ANKRD60: variants seen among roughly 807,000 people sequenced by gnomAD.
The protein encoded by ANKRD60 is ankyrin repeat domain-containing protein 60.
A neutral mutation model predicts 21.3 loss-of-function variants in ANKRD60; 24 were observed. The ratio of observed to expected loss-of-function variants is 1.13; its 90% CI spans 0.82 to 1.59. ANKRD60 has a LOEUF of 1.59. Ranked by LOEUF, ANKRD60 falls within the 40% of genes most tolerant of loss-of-function variation. ANKRD60 has a pLI of 0.00. For synonymous variants in ANKRD60, 182 were observed against 199.4 expected, an observed-to-expected ratio of 0.91 and a Z score of 0.74; for missense variants, 490 against 466.7, an observed-to-expected ratio of 1.05 and a Z score of -0.46.
chr20:58,226,642 G>A (rs140871671), intron 1 of ANKRD60, among the ~76,000 whole-genome samples: 6 of 152,228 alleles, frequency 3.9e-5, no homozygotes, highest in African/African-American at 9.6e-5. Context: ...ACACGGTTTC[G>A]TATCTGGGGG....
At chr20:58,217,529 T>G (rs908580152), downstream of ANKRD60, among the ~76,000 whole-genome samples, 7 of 152,218 alleles carry the variant, frequency 4.6e-5, no homozygotes, top group East Asian at 1.9e-4. Flanking sequence ...CTTTCATTTC[T>G]GCAGGAGTCA....
At chr20:58,222,965 CA>C in intron 2 of ANKRD60, 86 bp downstream of exon 2, 1 of 1,409,462 alleles carries the variant, frequency 7.1e-7, no homozygotes, top group Non-Finnish European at 9.4e-7. Flanking sequence ...CTGTTATTCA[CA>C]TATCCGTATT....
chr20:58,219,958 G>T (rs1984212674), intron 3 of ANKRD60, among the ~76,000 whole-genome samples: 1 of 152,226 alleles, frequency 6.6e-6, no homozygotes, highest in Non-Finnish European at 1.5e-5. Context: ...GTGAAGGAAG[G>T]AAGGAGAATA....
chr20:58,225,663 G>T, intron 1 of ANKRD60, among the ~76,000 whole-genome samples: 1 of 152,168 alleles, frequency 6.6e-6, no homozygotes, highest in Non-Finnish European at 1.5e-5. Context: ...CACCAAGCCC[G>T]TGGAGGCAGG....
In ANKRD60 at chr20:58,224,755, C is replaced by T. The variant is rs140441727; in HGVS notation, c.431-1573G>A. Among the ~76,000 whole-genome samples the T allele has an allele frequency of 1.1e-4, 17 of 152,318 alleles. No individual in the cohort carries two copies. In the East Asian group the frequency reaches 3.1e-3, roughly 28 times the overall value. ...TGAGTAAAGCTGTGTTTTGCTGAGACGGGCAAGAGTAAAACTCCCACATGC... is the reference window on the plus strand; with the variant it reads ...TGAGTAAAGCTGTGTTTTGCTGAGATGGGCAAGAGTAAAACTCCCACATGC... On this transcript the variant is annotated intron_variant, in intron 1 of 3. Transcript: ENST00000457363.
rs1008575253 is a variant in ANKRD60 at position 58,227,390 on chromosome 20, A to T, written c.430+834T>A. Among the ~76,000 whole-genome samples the T allele has an allele frequency of 2.6e-5, 4 of 152,010 alleles. No homozygotes were observed. The South Asian group carries it at 8.3e-4, about 32-fold the overall frequency. ...TTTTGATTTGGCATCCTTGCAAGACAAAAGTGGCTGGAAAATCTGGGGTTC... is the reference window on the plus strand; with the variant it reads ...TTTTGATTTGGCATCCTTGCAAGACTAAAGTGGCTGGAAAATCTGGGGTTC... On this transcript the variant is annotated intron_variant, in intron 1 of 3. Coordinates refer to ENST00000457363, the Ensembl canonical transcript of ANKRD60.
At chr20:58,218,931 G>T in intron 3 of ANKRD60, 126 bp from the exon 4 acceptor site, 1 of 832,768 alleles carries the variant, frequency 1.2e-6, no homozygotes, top group Non-Finnish European at 1.8e-6. Context: ...GTACTGCCCT[G>T]CCCCCAGTCC....
At chr20:58,217,893 C>T (rs1300519338), downstream of ANKRD60, among the ~76,000 whole-genome samples, 1 of 152,158 alleles carries the variant, frequency 6.6e-6, no homozygotes, top group Admixed American at 6.5e-5. Flanking sequence ...CAACGTGTTA[C>T]CTTTCAACAA....
intron 1 of ANKRD60, among the ~76,000 whole-genome samples, chr20:58,225,951 G>C (rs1236285303): frequency 6.6e-6 from 1 of 152,116 alleles, no homozygotes; most frequent in South Asian, 2.1e-4. Context: ...AGGAGAGATG[G>C]GCTCTAGGGT....
intron 1 of ANKRD60, among the ~76,000 whole-genome samples, chr20:58,226,304 G>A (rs1260015938): frequency 2.6e-5 from 4 of 152,050 alleles, no homozygotes; most frequent in African/African-American, 4.8e-5. Context: ...TGGAGTCCTC[G>A]TATGGGCAGG....
intron 1 of ANKRD60, among the ~76,000 whole-genome samples, chr20:58,223,527 C>G (rs553841468): frequency 3.3e-5 from 5 of 152,258 alleles, no homozygotes; most frequent in African/African-American, 1.2e-4. Flanking sequence ...CTGAAGTAAC[C>G]AGTCATTAGA....
Position 58,228,280 on chromosome 20 carries a change from A to C in ANKRD60, c.374T>G (p.Leu125Arg). The change falls in exon 1 of 4, where the codon CTG becomes CGG. Residue 125 changes from leucine to arginine, a missense_variant. Transcript: ENST00000457363. This position sits in a 1 kb window ranked among gnomAD's most constrained non-coding sequence, Gnocchi z 5.3. The stretch of plus-strand genomic sequence containing the variant: ...GAAGGGGATGCCGACCATCAGGTCC[A>C]GCTCCTCTTTGAGCTCCCGCACGGT... The C allele has an allele frequency of 6.4e-7, 1 of 1,551,448 alleles. No individual in the cohort carries two copies. The highest frequency in any genetic ancestry group is 8.7e-7 in the Non-Finnish European group (1 of 1,146,896).
At position 58,228,219 on chromosome 20, in the gene ANKRD60, G is replaced by A; in HGVS notation, c.430+5C>T. 1 of 1,544,810 alleles carries A rather than the reference G, an allele frequency of 6.5e-7. No individual in the cohort carries two copies. On this transcript the variant is annotated splice_donor_5th_base_variant and intron_variant, in intron 1 of 3. Coordinates refer to ENST00000457363, the Ensembl canonical transcript of ANKRD60. The surrounding 1 kb of genome is among the most constrained non-coding windows in gnomAD (Gnocchi z 5.3). ...GGCCAGGGAAGGAGTCAGGGCAGGA[G>A]CCACCTTCGTCGAGGTACTGGAGCC...
intron 3 of ANKRD60, 81 bp downstream of exon 3, chr20:58,221,257 C>T: frequency 7.0e-7 from 1 of 1,428,016 alleles, no homozygotes; most frequent in South Asian, 1.3e-5. Context: ...GCTGGAAGGA[C>T]TGGGAACACA....
At chr20:58,221,569 T>C in intron 2 of ANKRD60, 66 bp from the exon 3 acceptor site, 3 of 1,503,504 alleles carry the variant, frequency 2.0e-6, no homozygotes, top group Non-Finnish European at 2.7e-6. Context: ...GGACGGCTGA[T>C]GGGGCATGCT....
At chr20:58,222,904 G>A (rs1165029688) in intron 2 of ANKRD60, 148 bp downstream of exon 2, 9 of 1,061,972 alleles carry the variant, frequency 8.5e-6, no homozygotes, top group Non-Finnish European at 1.0e-5. Context: ...CCTCAGTGCG[G>A]TATTTCATAA....
At position 58,219,867 on chromosome 20, in the gene ANKRD60, T is replaced by A. The variant is rs1460395583; in HGVS notation, c.728-1062A>T. On this transcript the variant is annotated intron_variant, in intron 3 of 3. Transcript: ENST00000457363. Reference sequence around the variant, plus strand: ...CATCACAGTTCTATCAGAGCAAAAATGACTTTTTATGAGCTTAAAGGACTG... The same window carrying A: ...CATCACAGTTCTATCAGAGCAAAAAAGACTTTTTATGAGCTTAAAGGACTG... Among the ~76,000 whole-genome samples the A allele has an allele frequency of 5.9e-5, 9 of 152,204 alleles. No individual in the cohort carries two copies. In the South Asian group the frequency reaches 1.7e-3, roughly 28 times the overall value.
chr20:58,222,459 C>T (rs906865733), intron 2 of ANKRD60, among the ~76,000 whole-genome samples: 1 of 152,220 alleles, frequency 6.6e-6, no homozygotes, highest in African/African-American at 2.4e-5. Flanking sequence ...GCTTTCCATC[C>T]GAATTTCTTT....
downstream of ANKRD60, among the ~76,000 whole-genome samples, chr20:58,217,519 C>T (rs1984159687): frequency 6.6e-6 from 1 of 151,902 alleles, no homozygotes; most frequent in Admixed American, 6.6e-5. Flanking sequence ...TGGCCTCTGC[C>T]TTTCATTTCT....
Sources: gnomAD v4.1 joint callset for allele counts (sites outside exome capture counted in the v4.1 genomes callset) on GRCh38, gnomAD v4.1.1 for gene constraint, Gnocchi (gnomAD v3.1) non-coding constraint, MANE v1.5 for transcripts, NCBI Gene and HGNC (gene_info 2026-07-23, HGNC 2026-07-21) for gene names.